PPP1R7: variants seen among roughly 807,000 people sequenced by gnomAD.
The protein encoded by PPP1R7 is protein phosphatase 1 regulatory subunit 22.
Under a neutral mutation model 45.2 loss-of-function variants are expected in PPP1R7, and 18 were observed. The ratio of observed to expected loss-of-function variants is 0.40; its 90% CI spans 0.28 to 0.59. The LOEUF is 0.59. Ranked by LOEUF, PPP1R7 falls within the 20% of genes least tolerant of loss-of-function variation. The pLI is 0.46. For missense variants in PPP1R7, 314 were observed against 455.8 expected, an observed-to-expected ratio of 0.69 and a Z score of 2.83; for synonymous variants, 181 against 183.4, an observed-to-expected ratio of 0.99 and a Z score of 0.11.
Position 241,163,371 on chromosome 2 carries a change from G to T in PPP1R7, c.684G>T (p.Ala228=), listed in dbSNP as rs142970884. 12 of 1,613,274 alleles carry T rather than the reference G, an allele frequency of 7.4e-6. No individual in the cohort carries two copies. The highest frequency in any genetic ancestry group is 9.3e-6 in the Non-Finnish European group (11 of 1,179,424). Residue 228 remains alanine (A), a synonymous_variant, in exon 7 of 10, where the codon GCG becomes GCT. Transcript: ENST00000234038. ...NKITKLQNLD[A]LTNLTVLSMQ... ...TTACTAAACTTCAGAACCTGGATGC[G>T]CTCACCAACCTGACAGTCCTCAGTA...
rs201525306 is a variant in PPP1R7, at chr2:241,167,550, G to C, written c.819+1109G>C. Among the ~76,000 whole-genome samples the C allele has an allele frequency of 3.9e-5, 6 of 152,304 alleles. No individual in the cohort carries two copies. The East Asian group carries it at 1.2e-3, about 29-fold the overall frequency. On this transcript the variant is annotated intron_variant, in intron 8 of 9. Transcript: ENST00000234038. ...CAGCAGGGAGCCCTGGTGCCCTCCT[G>C]CACCCTGGCCTCCCTGAGCCAAGGC...
In PPP1R7 at chr2:241,182,918, T is replaced by C; in HGVS notation, c.*95T>C. On this transcript the variant is annotated 3_prime_UTR_variant, in exon 10 of 10. Coordinates refer to ENST00000234038, the MANE Select transcript of PPP1R7 (RefSeq NM_002712.3). ...TGTTGCTCCTGAGGTCGTCACTATA[T>C]CAACAGTCACAAACCCAATGGCAAT... 1 of 1,402,340 alleles carries C rather than the reference T, an allele frequency of 7.1e-7. No individual in the cohort carries two copies. Among genetic ancestry groups the C allele is most frequent in the South Asian group, 1.3e-5 (1 of 74,356 alleles). The allele number at this position is 1,402,340 out of a possible 1,614,324, so 86.9% of individuals were successfully genotyped here.
At chr2:241,159,120 A>T (rs1298285113) in intron 4 of PPP1R7, 93 bp from the exon 5 acceptor site, 10 of 1,428,682 alleles carry the variant, frequency 7.0e-6, no homozygotes, top group African/African-American at 1.4e-5. Context: ...TCCTTCTACC[A>T]GAAAGGCCTT....
intron 2 of PPP1R7, among the ~76,000 whole-genome samples, chr2:241,153,947 C>G (rs1275587634): frequency 6.6e-6 from 1 of 151,914 alleles, no homozygotes; most frequent in South Asian, 2.1e-4. Flanking sequence ...TTTGGAAGGC[C>G]AAGGCGGGTG....
At chr2:241,169,686 CA>C in intron 8 of PPP1R7, 94 bp from the exon 9 acceptor site, 9 of 1,013,222 alleles carry the variant, frequency 8.9e-6, no homozygotes, top group Non-Finnish European at 1.4e-5. Flanking sequence ...AGTGCACCTG[CA>C]GCCCTAAGGT....
upstream of PPP1R7, chr2:241,149,959 G>A: frequency 7.0e-7 from 1 of 1,425,884 alleles, no homozygotes; most frequent in South Asian, 1.5e-5. Flanking sequence ...CATTTCGCAT[G>A]GGTAAAATCC....
chr2:241,149,846 G>A (rs561462514), upstream of PPP1R7: 534 of 1,483,048 alleles, frequency 3.6e-4, 2 homozygotes, highest in African/African-American at 2.6e-3. Context: ...CGACTTGCAA[G>A]GGGAGCCCAG....
intron 4 of PPP1R7, 41 bp from the exon 5 acceptor site, chr2:241,159,172 C>A: frequency 6.2e-7 from 1 of 1,606,718 alleles, no homozygotes; most frequent in Non-Finnish European, 8.5e-7. Context: ...CTCGTGGCCT[C>A]CCCCTTGCCT....
At position 241,159,293 on chromosome 2, in the gene PPP1R7, C is replaced by T. The variant is rs762349605; in HGVS notation, c.384C>T (p.Tyr128=). 6.2e-6 allele frequency: 10 copies of T among 1,613,654 alleles called. No homozygotes were observed. The highest frequency in any genetic ancestry group is 2.2e-5 in the South Asian group (2 of 91,082). The change falls in exon 5 of 10, where the codon TAC becomes TAT. Residue 128 remains tyrosine (Y), a synonymous_variant. Transcript: ENST00000234038. ...ELQSLRELDL[Y]DNQIKKIENL... The stretch of plus-strand genomic sequence containing the variant: ...AGAGTCTTCGAGAGCTGGATCTTTA[C>T]GACAACCAGATCAAGAAGATTGAGA...
intron 9 of PPP1R7, among the ~76,000 whole-genome samples, chr2:241,177,818 G>A (rs2067933429): frequency 6.6e-6 from 1 of 152,236 alleles, no homozygotes; most frequent in Admixed American, 6.5e-5. Context: ...CAGGGGAGGA[G>A]AAACATTTGG....
At chr2:241,150,102 T>A (rs1332133755), upstream of PPP1R7, 2 of 1,263,474 alleles carry the variant, frequency 1.6e-6, no homozygotes, top group Admixed American at 4.0e-5. Flanking sequence ...AAGATCCGCC[T>A]GGCCCGCGGC....
intron 9 of PPP1R7, among the ~76,000 whole-genome samples, chr2:241,175,916 T>G (rs961529041): frequency 2.6e-5 from 4 of 152,244 alleles, no homozygotes; most frequent in Non-Finnish European, 5.9e-5. Flanking sequence ...TAGCTGGGAT[T>G]ACAGGTGAAT....
At chr2:241,159,940 G>A (rs1200554884) in intron 5 of PPP1R7, among the ~76,000 whole-genome samples, 2 of 152,158 alleles carry the variant, frequency 1.3e-5, no homozygotes, top group African/African-American at 2.4e-5. Context: ...GCCCTTTGTC[G>A]CTCATTCATT....
At position 241,169,772 on chromosome 2, in the gene PPP1R7, T is replaced by C. The variant is rs1196512988; in HGVS notation, c.820-9T>C. The C allele has an allele frequency of 2.5e-6, 4 of 1,598,222 alleles. No homozygotes were observed. The highest frequency in any genetic ancestry group is 3.4e-6 in the Non-Finnish European group (4 of 1,165,570). ...GTAATCCAGGAAACATTTTATTTCC[T>C]TCTTTTAGAACAAACTCACGATGTT... On this transcript the variant is annotated splice_polypyrimidine_tract_variant and intron_variant, in intron 8 of 9. Transcript: ENST00000234038.
At position 241,182,666 on chromosome 2, in the gene PPP1R7, A is replaced by G; in HGVS notation, c.926A>G (p.Glu309Gly). 6.2e-7 allele frequency: 1 copy of G among 1,614,186 alleles called. No homozygotes were observed. The highest frequency in any genetic ancestry group is 8.5e-7 in the Non-Finnish European group (1 of 1,180,034). Residue 309 changes from glutamate (E) to glycine (G), a missense_variant, in exon 10 of 10, where the codon GAG becomes GGG. Physicochemically the swap from Glu to Gly is moderately conservative, Grantham distance 98. Around this residue, in one of 3 missense-constraint regions of PPP1R7, gnomAD observed 168 missense variants for 285.3 expected, o/e 0.59. Transcript: ENST00000234038. The stretch of plus-strand genomic sequence containing the variant: ...CCCCAGATGAACGACAATCTCCTTG[A>G]GAGCTGGAGCGACCTCGACGAGCTG... ...QEFWMNDNLL[E>G]SWSDLDELKG... is the part of the protein sequence containing the mutation.
At chr2:241,159,165 G>T (rs757670482) in intron 4 of PPP1R7, 48 bp from the exon 5 acceptor site, 2 of 1,599,286 alleles carry the variant, frequency 1.3e-6, no homozygotes, top group South Asian at 2.2e-5. Context: ...AGGCCTTCTC[G>T]TGGCCTCCCC....
intron 6 of PPP1R7, among the ~76,000 whole-genome samples, chr2:241,162,873 CAG>C (rs996037014): frequency 9.2e-5 from 14 of 152,226 alleles, no homozygotes; most frequent in African/African-American, 2.6e-4. Context: ...TTAATAAAGA[CAG>C]GGTTTCACCG....
Position 241,166,360 on chromosome 2 carries a change from G to A in PPP1R7, c.738G>A (p.Glu246=), listed in dbSNP as rs368866102. The A allele has an allele frequency of 1.2e-5, 20 of 1,613,922 alleles. No individual in the cohort carries two copies. Among genetic ancestry groups the A allele is most frequent in the Non-Finnish European group, 1.7e-5 (20 of 1,179,942 alleles). The part of the protein sequence containing the change: ...SMQSNRLTKI[E]GLQNLVNLRE... ...AGAGCAACCGGCTGACCAAGATCGA[G>A]GGTCTGCAGAACCTGGTGAACCTGC... The change falls in exon 8 of 10, where the codon GAG becomes GAA. Residue 246 remains glutamate, a synonymous_variant. Transcript: ENST00000234038.
intron 1 of PPP1R7, chr2:241,151,343 T>C (rs1050239015): frequency 3.3e-5 from 14 of 425,220 alleles, no homozygotes; most frequent in African/African-American, 2.0e-4. Flanking sequence ...CACTGCCTTA[T>C]GTGAAAGGGG....
Sources: gnomAD v4.1 joint callset for allele counts (sites outside exome capture counted in the v4.1 genomes callset) on GRCh38, gnomAD v4.1.1 for gene constraint, gnomAD v4.1.1 regional missense constraint, MANE v1.5 for transcripts, NCBI Gene and HGNC (gene_info 2026-07-23, HGNC 2026-07-21) for gene names.